The following OR14L1 variants were observed in gnomAD, a reference collection of about 807,000 sequenced individuals.
The protein encoded by OR14L1 is olfactory receptor family 14 subfamily L member 1.
chr1:247,618,556 A>T, the OR14L1 span, among the ~76,000 whole-genome samples: 1 of 151,954 alleles, frequency 6.6e-6, no homozygotes, highest in Non-Finnish European at 1.5e-5. Context: ...AAATAAAGTG[A>T]GTCGCAGATG....
chr1:247,618,934 A>G, the OR14L1 span, among the ~76,000 whole-genome samples: 2 of 152,178 alleles, frequency 1.3e-5, no homozygotes, highest in Admixed American at 1.3e-4. Context: ...CATGCCTGCT[A>G]TTGTTTATAA....
the OR14L1 span, chr1:247,621,113 A>G: frequency 1.3e-5 from 2 of 152,148 alleles, no homozygotes; most frequent in African/African-American, 2.4e-5. Context: ...CAAACTATAA[A>G]GGTTCACATA....
chr1:247,618,287 A>G, the OR14L1 span, among the ~76,000 whole-genome samples: 1 of 152,154 alleles, frequency 6.6e-6, no homozygotes, highest in Non-Finnish European at 1.5e-5. Context: ...GATTATATAC[A>G]AAGAAGGATA....
chr1:247,617,639 G>A, the OR14L1 span, among the ~76,000 whole-genome samples: 1 of 151,780 alleles, frequency 6.6e-6, no homozygotes, highest in African/African-American at 2.4e-5. Flanking sequence ...AGTATAATAC[G>A]AGTTTTGATG....
At chr1:247,620,996 G>C in the OR14L1 span, 3 of 152,134 alleles carry the variant, frequency 2.0e-5, no homozygotes, top group Non-Finnish European at 4.4e-5. Context: ...AGGTAACAGT[G>C]TGTGCTCAGA....
chr1:247,619,896 G>C, the OR14L1 span: 1 of 152,214 alleles, frequency 6.6e-6, no homozygotes, highest in South Asian at 2.1e-4. Context: ...TTAGTTCCTT[G>C]ACTCATGATA....
chr1:247,618,261 A>G, the OR14L1 span, among the ~76,000 whole-genome samples: 3 of 152,154 alleles, frequency 2.0e-5, no homozygotes, highest in Admixed American at 1.3e-4. Flanking sequence ...CTAGAGTGAA[A>G]ACTGCCAGAA....
At chr1:247,619,178 AT>A in the OR14L1 span, among the ~76,000 whole-genome samples, 1 of 152,132 alleles carries the variant, frequency 6.6e-6, no homozygotes, top group Non-Finnish European at 1.5e-5. Flanking sequence ...TACCACTTTG[AT>A]TTTATTTTCA....
the OR14L1 span, among the ~76,000 whole-genome samples, chr1:247,619,149 CT>C: frequency 1.3e-5 from 2 of 152,050 alleles, no homozygotes; most frequent in Admixed American, 6.6e-5. Flanking sequence ...CATAAGGAGC[CT>C]TTTTTTCAGA....
chr1:247,619,956 C>T, the OR14L1 span: 2 of 152,224 alleles, frequency 1.3e-5, no homozygotes, highest in African/African-American at 2.4e-5. Context: ...TTTTCATGGA[C>T]TTGGCAACTA....
chr1:247,620,670 A>G, the OR14L1 span: 1 of 152,112 alleles, frequency 6.6e-6, no homozygotes, highest in Non-Finnish European at 1.5e-5. Context: ...TTTTCAATTG[A>G]TTGCTGAGCT....
At chr1:247,621,721 C>T in the OR14L1 span, 1 of 152,204 alleles carries the variant, frequency 6.6e-6, no homozygotes, top group Non-Finnish European at 1.5e-5. Context: ...CCTCCATCTT[C>T]TGGTCAGCAC....
the OR14L1 span, chr1:247,621,838 G>A: frequency 6.6e-6 from 1 of 151,966 alleles, no homozygotes; most frequent in East Asian, 1.9e-4. Flanking sequence ...GTAACATGAT[G>A]TCTTCTCTAG....
At chr1:247,618,758 CTCT>C in the OR14L1 span, among the ~76,000 whole-genome samples, 4 of 152,034 alleles carry the variant, frequency 2.6e-5, no homozygotes, top group East Asian at 1.9e-4. Flanking sequence ...ACTTCTGTAC[CTCT>C]GCCTTTTCCT....
At chr1:247,618,820 G>A in the OR14L1 span, among the ~76,000 whole-genome samples, 1 of 152,070 alleles carries the variant, frequency 6.6e-6, no homozygotes, top group Middle Eastern at 3.2e-3. Flanking sequence ...CAGTAAAATA[G>A]TTCTCAAAAC....
At chr1:247,617,803 A>AGTGTGTGTGTGTGTTTG in the OR14L1 span, among the ~76,000 whole-genome samples, 5 of 150,876 alleles carry the variant, frequency 3.3e-5, no homozygotes, top group African/African-American at 1.2e-4. Flanking sequence ...GTGTGTGTTC[A>AGTGTGTGTGTGTGTTTG]ATGAAAAGGA....
At chr1:247,620,293 A>G in the OR14L1 span, 11 of 151,726 alleles carry the variant, frequency 7.2e-5, no homozygotes, top group Non-Finnish European at 1.6e-4. Context: ...TCTCTCCTAC[A>G]TGTACATTTT....
the OR14L1 span, among the ~76,000 whole-genome samples, chr1:247,618,421 A>C: frequency 6.6e-6 from 1 of 152,128 alleles, no homozygotes; most frequent in Admixed American, 6.5e-5. Flanking sequence ...CCCTACATAA[A>C]TTCCAGCTAC....
chr1:247,619,423 A>T, the OR14L1 span, among the ~76,000 whole-genome samples: 6 of 152,088 alleles, frequency 3.9e-5, no homozygotes, highest in South Asian at 2.1e-4. Context: ...GTCGTCTTTT[A>T]TACACCTCAC....
Sources: gnomAD v4.1 joint callset for allele counts (sites outside exome capture counted in the v4.1 genomes callset) on GRCh38, gnomAD v4.1.1 for gene constraint, MANE v1.5 for transcripts, NCBI Gene and HGNC (gene_info 2026-07-23, HGNC 2026-07-21) for gene names.